The following ABCA1 variants were observed in gnomAD, a reference collection of about 807,000 sequenced individuals.
ABCA1 encodes ATP binding cassette subfamily A member 1, also known as phospholipid-transporting ATPase ABCA1.
A neutral mutation model predicts 262.5 loss-of-function variants in ABCA1; 133 were observed. That is an observed-to-expected ratio of 0.51 (90% CI 0.44 to 0.59). The LOEUF is 0.59. ABCA1 is among the 20% of genes least tolerant of loss of function. The probability of loss-of-function intolerance (pLI) is 0.00; values close to 1 mark genes in which losing one functional copy is unlikely to be tolerated. For synonymous variants in ABCA1, 1,022 were observed against 1,043.5 expected (o/e 0.98, Z 0.40); for missense variants, 2,452 against 2,777.5 (o/e 0.88, Z 2.63).
chr9:104,823,185 C>G (rs1832523199), intron 18 of ABCA1, among the ~76,000 whole-genome samples: 1 of 152,076 alleles, frequency 6.6e-6, no homozygotes, highest in South Asian at 2.1e-4. Context: ...GTGTCAGGAA[C>G]TGAGGAAGAA....
rs755656243 is a variant in ABCA1 at position 104,840,569 on chromosome 9, G to A, written c.814-50C>T. The A allele has an allele frequency of 3.2e-6, 5 of 1,563,258 alleles. No homozygotes were observed. In the African/African-American group the frequency reaches 6.8e-5, roughly 21 times the overall value. On this transcript the variant is annotated intron_variant, in intron 8 of 49. Transcript: ENST00000374736. The stretch of plus-strand genomic sequence containing the variant: ...AGGAGGGTAGGGGAAGGGAGAAAAG[G>A]GCAGTGCAAGGGTTGGGGATGAGAA...
intron 9 of ABCA1, among the ~76,000 whole-genome samples, chr9:104,838,073 C>G (rs1039360405): frequency 6.6e-6 from 1 of 152,204 alleles, no homozygotes; most frequent in African/African-American, 2.4e-5. Flanking sequence ...TGCCTGCAAT[C>G]CCAGCACTTT....
intron 1 of ABCA1, among the ~76,000 whole-genome samples, chr9:104,921,598 C>G (rs1441554699): frequency 6.6e-6 from 1 of 152,202 alleles, no homozygotes; most frequent in African/African-American, 2.4e-5. Context: ...TAAAATTTCT[C>G]AGTCTAACAT....
chr9:104,921,190 T>C (rs1381140260), intron 1 of ABCA1, among the ~76,000 whole-genome samples: 2 of 152,208 alleles, frequency 1.3e-5, no homozygotes, highest in African/African-American at 4.8e-5. Context: ...TATCATAAAC[T>C]AAATACCAGC....
intron 17 of ABCA1, among the ~76,000 whole-genome samples, chr9:104,825,203 C>T (rs1399721435): frequency 6.6e-6 from 1 of 152,194 alleles, no homozygotes; most frequent in Non-Finnish European, 1.5e-5. Context: ...GGAAACAGAA[C>T]CTCTCCTAGT....
intron 47 of ABCA1, 21 bp from the exon 48 acceptor site, chr9:104,786,411 G>A: frequency 6.2e-7 from 1 of 1,600,178 alleles, no homozygotes; most frequent in Non-Finnish European, 8.6e-7. Context: ...ACAGAAAGAG[G>A]TTTTAGTTTT....
In ABCA1 at chr9:104,921,998, G is replaced by C. The variant is rs896998647; in HGVS notation, c.-93+5937C>G. ...GAGTGGATCCAGAAGAGCTTCATGA[G>C]GAGGGAAGCATTTAAATCGGGTCTT... On this transcript the variant is annotated intron_variant, in intron 1 of 49. Transcript: ENST00000374736. Among the ~76,000 whole-genome samples the C allele has an allele frequency of 2.0e-5, 3 of 152,300 alleles. 1 individual carries two copies. Among genetic ancestry groups the C allele is most frequent in the African/African-American group, 7.2e-5 (3 of 41,578 alleles).
intron 32 of ABCA1, 52 bp downstream of exon 32, chr9:104,804,574 A>T: frequency 1.4e-6 from 2 of 1,400,030 alleles, no homozygotes; most frequent in East Asian, 2.3e-5. Flanking sequence ...TAGGTCTTTA[A>T]TTCCTCTAAT....
chr9:104,903,699 C>A lies in ABCA1; in HGVS notation c.-20G>T, dbSNP rs1467080859. On this transcript the variant is annotated 5_prime_UTR_variant, in exon 2 of 50. Coordinates refer to ENST00000374736, the MANE Select transcript of ABCA1 (RefSeq NM_005502.4). ...AGCCATGTTCCCTCAGCCAGCACCC[C>A]CAGCGTGTGGCTCGGGAGCCCTGGA... 2.5e-6 allele frequency: 4 copies of A among 1,570,576 alleles called. No individual in the cohort carries two copies. Among genetic ancestry groups the A allele is most frequent in the East Asian group, 2.3e-5 (1 of 42,798 alleles).
At chr9:104,789,122 A>G (rs1196182504) in intron 44 of ABCA1, among the ~76,000 whole-genome samples, 1 of 152,238 alleles carries the variant, frequency 6.6e-6, no homozygotes, top group Admixed American at 6.5e-5. Context: ...CCACAGCGGC[A>G]TTGCCATGAA....
chr9:104,814,856 G>A (rs778714442), intron 25 of ABCA1, among the ~76,000 whole-genome samples: 3 of 152,206 alleles, frequency 2.0e-5, no homozygotes, highest in South Asian at 2.1e-4. Flanking sequence ...TTAGCTGGGC[G>A]TGGTAGCACA....
intron 1 of ABCA1, among the ~76,000 whole-genome samples, chr9:104,919,022 C>A (rs186683971): frequency 6.6e-6 from 1 of 152,316 alleles, no homozygotes; most frequent in Admixed American, 6.5e-5. Flanking sequence ...CTCCTTCCCC[C>A]TCCCTGCTCC....
intron 22 of ABCA1, 73 bp downstream of exon 22, chr9:104,819,513 A>T: frequency 1.2e-6 from 2 of 1,605,574 alleles, no homozygotes; most frequent in Non-Finnish European, 1.7e-6. Context: ...TAGCCATGAG[A>T]TACAGCCACA....
chr9:104,883,240 T>C (rs1050471377), intron 4 of ABCA1, 83 bp from the exon 5 acceptor site: 53 of 1,239,866 alleles, frequency 4.3e-5, no homozygotes, highest in Non-Finnish European at 5.9e-5. Flanking sequence ...GCCAAGTGCA[T>C]AGAACTCAGC....
In ABCA1 at chr9:104,797,883, G is replaced by T. The variant is rs191847554; in HGVS notation, c.5121+538C>A. On this transcript the variant is annotated intron_variant, in intron 37 of 49. Coordinates refer to ENST00000374736, the MANE Select transcript of ABCA1 (RefSeq NM_005502.4). Reference sequence around the variant, plus strand: ...GTTACAGGGAGATATATTTCAGGGAGATATTGTAAAGTAGAGTTGAAATAT... The same window carrying T: ...GTTACAGGGAGATATATTTCAGGGATATATTGTAAAGTAGAGTTGAAATAT... Among the ~76,000 whole-genome samples, 167 of 152,284 alleles carry T rather than the reference G, an allele frequency of 1.1e-3. 1 individual carries two copies. The highest frequency in any genetic ancestry group is 3.8e-3 in the African/African-American group (158 of 41,554).
rs2118869377 is a variant in ABCA1, at chr9:104,794,493, A to G, written c.5400T>C (p.Asn1800=). 1.7e-6 allele frequency: 2 copies of G among 1,163,342 alleles called. No individual in the cohort carries two copies. Among genetic ancestry groups the G allele is most frequent in the East Asian group, 5.3e-5 (2 of 38,094 alleles). The allele number at this position is 1,163,342 out of a possible 1,614,324, so 72.1% of individuals were successfully genotyped here. A position where few individuals can be genotyped will look rare whatever the true frequency, so the allele number is the denominator to read the frequency against. Residue 1800 remains asparagine, a synonymous_variant, in exon 40 of 50, where the codon AAT becomes AAC. Coordinates refer to ENST00000374736, the MANE Select transcript of ABCA1 (RefSeq NM_005502.4). ...LFTDNKLNNI[N]DILKSVFLIF... ...TCAAGAACACGGACTTCAGGATATC[A>G]TTGATATTATTCAGCTTCTAAAAAA...
chr9:104,837,181 C>A (rs1045968707), intron 10 of ABCA1, 85 bp from the exon 11 acceptor site: 19 of 1,204,472 alleles, frequency 1.6e-5, no homozygotes, highest in Admixed American at 8.8e-5. Flanking sequence ...TGAAAAGATA[C>A]CCCATCACAG....
intron 3 of ABCA1, among the ~76,000 whole-genome samples, chr9:104,885,303 G>C (rs571027895): frequency 6.6e-6 from 1 of 152,128 alleles, no homozygotes; most frequent in Non-Finnish European, 1.5e-5. Context: ...GTCAGCTGGC[G>C]TGACTGGGAG....
Position 104,800,001 on chromosome 9 carries a change from A to T in ABCA1, c.4774-13T>A. 1 of 1,614,090 alleles carries T rather than the reference A, an allele frequency of 6.2e-7. No homozygotes were observed. The highest frequency in any genetic ancestry group is 8.5e-7 in the Non-Finnish European group (1 of 1,180,022). On this transcript the variant is annotated splice_polypyrimidine_tract_variant and intron_variant, in intron 35 of 49. Coordinates refer to ENST00000374736, the MANE Select transcript of ABCA1 (RefSeq NM_005502.4). ...TATTGAACCACACCTGAAAGAAAAC[A>T]TACCAGGTACAAGGTAATGCCCCCA...
Sources: allele counts gnomAD v4.1 joint callset (sites outside exome capture counted in the v4.1 genomes callset), GRCh38; gene constraint gnomAD v4.1.1; transcripts MANE v1.5; gene names NCBI Gene and HGNC (gene_info 2026-07-23, HGNC 2026-07-21).